The following SNX29 variants were observed in gnomAD, a reference collection of about 807,000 sequenced individuals.
SNX29 encodes sorting nexin 29.
Under a neutral mutation model 102.1 loss-of-function variants are expected in SNX29, and 78 were observed. The observed-to-expected ratio is 0.76, with a 90% CI of 0.64 to 0.92. The LOEUF (loss-of-function observed/expected upper bound fraction) is 0.92, where lower values mean the gene tolerates loss of function less well. Among genes scored for constraint, SNX29 ranks in the 40% least tolerant of loss-of-function variants. The pLI, the probability that SNX29 is intolerant of heterozygous loss-of-function variation, is 0.00. For missense variants in SNX29, 1,280 were observed against 1,061.7 expected, an observed-to-expected ratio of 1.21 and a Z score of -2.86; for synonymous variants, 580 against 414.5, an observed-to-expected ratio of 1.40 and a Z score of -4.85.
intron 15 of SNX29, among the ~76,000 whole-genome samples, chr16:12,279,501 C>A (rs1019939917): frequency 5.3e-5 from 8 of 152,200 alleles, no homozygotes; most frequent in African/African-American, 1.7e-4. Flanking sequence ...GTGCTCTCTG[C>A]CCAGTGCTCT....
At chr16:12,502,518 C>T (rs544128068) in intron 19 of SNX29, among the ~76,000 whole-genome samples, 1 of 152,166 alleles carries the variant, frequency 6.6e-6, no homozygotes, top group East Asian at 2.0e-4. Context: ...CTCTGACTCT[C>T]ATCAGCTTCC....
chr16:12,123,807 A>G (rs2054085945), intron 11 of SNX29, among the ~76,000 whole-genome samples: 2 of 152,212 alleles, frequency 1.3e-5, no homozygotes, highest in Admixed American at 1.3e-4. Context: ...AGGGCTGGAC[A>G]GTAGATATTT....
intron 11 of SNX29, among the ~76,000 whole-genome samples, chr16:12,123,027 A>G (rs1485867383): frequency 6.6e-6 from 1 of 152,036 alleles, no homozygotes. Context: ...AGGTTTCACC[A>G]TGTTGGCCAG....
chr16:12,066,435 G>T (rs1317203145), intron 9 of SNX29, among the ~76,000 whole-genome samples: 1 of 152,184 alleles, frequency 6.6e-6, no homozygotes, highest in Non-Finnish European at 1.5e-5. Context: ...ATAAGATGGG[G>T]TTGTGAGGGT....
intron 13 of SNX29, among the ~76,000 whole-genome samples, chr16:12,165,815 C>T (rs1006570031): frequency 2.0e-5 from 3 of 152,250 alleles, no homozygotes; most frequent in Non-Finnish European, 4.4e-5. Context: ...CCACCTGCCT[C>T]GGCCTCCCAA....
chr16:12,172,242 T>C (rs1372535674), intron 13 of SNX29, among the ~76,000 whole-genome samples: 1 of 152,028 alleles, frequency 6.6e-6, no homozygotes, highest in Admixed American at 6.6e-5. Context: ...GATGGCAAAC[T>C]CTTCTTGGGA....
chr16:12,538,401 T>C (rs576536696), intron 20 of SNX29, among the ~76,000 whole-genome samples: 1 of 152,246 alleles, frequency 6.6e-6, no homozygotes, highest in Non-Finnish European at 1.5e-5. Flanking sequence ...CCCCTTGCAC[T>C]TTTAAAATGA....
intron 13 of SNX29, among the ~76,000 whole-genome samples, chr16:12,183,814 C>A (rs182936689): frequency 6.6e-6 from 1 of 152,126 alleles, no homozygotes; most frequent in Non-Finnish European, 1.5e-5. Flanking sequence ...GTAAAGAAGC[C>A]GGCTGAATCC....
At chr16:12,333,484 G>A (rs942814666) in intron 15 of SNX29, among the ~76,000 whole-genome samples, 1 of 152,090 alleles carries the variant, frequency 6.6e-6, no homozygotes, top group African/African-American at 2.4e-5. Flanking sequence ...GAAGCTCAGA[G>A]ATTAAGTAAT....
rs1316803347 is a variant in SNX29, at chr16:12,574,162, T to A, written c.*5533T>A. The A allele has an allele frequency of 1.1e-5, 2 of 180,892 alleles. No homozygotes were observed. Among genetic ancestry groups the A allele is most frequent in the Admixed American group, 6.3e-5 (1 of 15,918 alleles). 11.2% of individuals were successfully genotyped at this position (180,892 alleles called of 1,614,324 possible). The stretch of plus-strand genomic sequence containing the variant: ...ATTTTTAAACAAATGTGTTTAATTT[T>A]TTAAGATCTCTTGTATTAAAATTTT... On this transcript the variant is annotated 3_prime_UTR_variant, in exon 21 of 21. Transcript: ENST00000566228.
intron 3 of SNX29, among the ~76,000 whole-genome samples, chr16:12,006,310 GTT>G (rs1233581034): frequency 4.6e-5 from 7 of 151,784 alleles, no homozygotes; most frequent in Non-Finnish European, 1.0e-4. Flanking sequence ...GAAGTCGGGA[GTT>G]TGAGACCAGC....
At chr16:12,212,322 C>T (rs140286742) in intron 14 of SNX29, among the ~76,000 whole-genome samples, 1 of 152,222 alleles carries the variant, frequency 6.6e-6, no homozygotes, top group Non-Finnish European at 1.5e-5. Context: ...TGGCGGAAAG[C>T]AGAACCATTG....
chr16:12,016,373 C>T (rs541140301), intron 3 of SNX29, among the ~76,000 whole-genome samples: 9 of 152,260 alleles, frequency 5.9e-5, no homozygotes, highest in Admixed American at 4.6e-4. Context: ...AGTCAGAGAG[C>T]AGCCTCTGGC....
intron 16 of SNX29, among the ~76,000 whole-genome samples, chr16:12,363,111 G>A (rs1027099386): frequency 6.6e-6 from 1 of 152,220 alleles, no homozygotes; most frequent in Non-Finnish European, 1.5e-5. Flanking sequence ...CAGAAGGGAG[G>A]AGCAAGTAAA....
intron 16 of SNX29, among the ~76,000 whole-genome samples, chr16:12,385,170 CAAAAAAG>C (rs894847338): frequency 4.6e-5 from 7 of 151,866 alleles, no homozygotes; most frequent in African/African-American, 1.5e-4. Context: ...AACTCCATCT[CAAAAAAG>C]AAAAAAGAAA....
intron 1 of SNX29, among the ~76,000 whole-genome samples, chr16:11,981,891 C>G (rs1353504776): frequency 6.6e-6 from 1 of 152,068 alleles, no homozygotes; most frequent in Non-Finnish European, 1.5e-5. Flanking sequence ...GGCTGCATCT[C>G]AACGTTAATG....
intron 5 of SNX29, among the ~76,000 whole-genome samples, chr16:12,045,207 G>A (rs1307894583): frequency 6.6e-6 from 1 of 152,174 alleles, no homozygotes; most frequent in African/African-American, 2.4e-5. Context: ...TTGGAAATGC[G>A]CCTCTTCTTT....
intron 20 of SNX29, among the ~76,000 whole-genome samples, chr16:12,534,829 G>C (rs564992339): frequency 1.1e-4 from 17 of 152,114 alleles, no homozygotes; most frequent in African/African-American, 4.1e-4. Flanking sequence ...GGCACAGCTG[G>C]GAGTGAATGC....
intron 17 of SNX29, among the ~76,000 whole-genome samples, chr16:12,401,773 G>A (rs960936480): frequency 6.6e-6 from 1 of 152,192 alleles, no homozygotes; most frequent in African/African-American, 2.4e-5. Context: ...AGTACCCAGA[G>A]TAGTGGCTTC....
Sources: gnomAD v4.1 joint callset for allele counts (sites outside exome capture counted in the v4.1 genomes callset) on GRCh38, gnomAD v4.1.1 for gene constraint, MANE v1.5 for transcripts, NCBI Gene and HGNC (gene_info 2026-07-23, HGNC 2026-07-21) for gene names.